The following WDR49 variants were observed in gnomAD, a reference collection of about 807,000 sequenced individuals.
The protein encoded by WDR49 is WD repeat domain 49, also known as cilia- and flagella-associated protein 337.
In WDR49, 107 loss-of-function variants were observed where a neutral mutation model predicts 119.5. That is an observed-to-expected ratio of 0.90 (90% CI 0.77 to 1.05). WDR49 has a LOEUF of 1.05. Ranked by LOEUF, WDR49 falls within the 50% of genes least tolerant of loss-of-function variation. The pLI is 0.00. For synonymous variants in WDR49, 425 were observed against 418.8 expected, an observed-to-expected ratio of 1.01 and a Z score of -0.18; for missense variants, 1,240 against 1,220.5, an observed-to-expected ratio of 1.02 and a Z score of -0.24.
chr3:167,532,665 G>A (rs562700951), intron 12 of WDR49, among the ~76,000 whole-genome samples: 49 of 152,276 alleles, frequency 3.2e-4, no homozygotes, highest in African/African-American at 9.4e-4. Context: ...GTAGCATAAA[G>A]AGAAGAAATG....
chr3:167,554,553 G>A (rs1560283091), intron 10 of WDR49, 97 bp downstream of exon 10: 5 of 675,250 alleles, frequency 7.4e-6, no homozygotes, highest in Non-Finnish European at 1.2e-5. Flanking sequence ...CACTCACCTA[G>A]GTCACCAGCA....
intron 12 of WDR49, 149 bp downstream of exon 12, chr3:167,532,730 C>T (rs567867226): frequency 1.9e-6 from 1 of 526,490 alleles, no homozygotes; most frequent in Non-Finnish European, 3.4e-6. Context: ...TCTTTAGCTA[C>T]TTTGGCAAGA....
intron 2 of WDR49, among the ~76,000 whole-genome samples, chr3:167,645,163 T>C (rs529817946): frequency 6.6e-6 from 1 of 152,064 alleles, no homozygotes; most frequent in South Asian, 2.1e-4. Flanking sequence ...TTGGATTTTT[T>C]ACCATGAGAA....
intron 10 of WDR49, among the ~76,000 whole-genome samples, chr3:167,544,019 C>T (rs1209562670): frequency 6.6e-6 from 1 of 151,312 alleles, no homozygotes; most frequent in Non-Finnish European, 1.5e-5. Context: ...CAACAACAAC[C>T]AAGCTGAGAA....
At chr3:167,633,663 C>T (rs534937276) in intron 2 of WDR49, 22 of 349,668 alleles carry the variant, frequency 6.3e-5, no homozygotes, top group South Asian at 1.5e-4. Context: ...TACTGAATGG[C>T]GAAATAATTT....
chr3:167,479,914 T>C (rs1750636056), intron 18 of WDR49, among the ~76,000 whole-genome samples: 1 of 151,768 alleles, frequency 6.6e-6, no homozygotes, highest in African/African-American at 2.4e-5. Context: ...AAGTGTCAAC[T>C]GGAGGAAACA....
intron 18 of WDR49, among the ~76,000 whole-genome samples, chr3:167,493,171 G>A (rs1288029400): frequency 6.6e-6 from 1 of 152,126 alleles, no homozygotes; most frequent in Admixed American, 6.6e-5. Context: ...TCCAGCACTA[G>A]GCTCTTATAG....
chr3:167,583,752 C>T (rs556877160), intron 7 of WDR49, among the ~76,000 whole-genome samples: 18 of 152,158 alleles, frequency 1.2e-4, no homozygotes, highest in Non-Finnish European at 2.6e-4. Context: ...AACTGGACAA[C>T]TGAGATGCAG....
At chr3:167,489,786 A>T (rs1751061839) in intron 18 of WDR49, among the ~76,000 whole-genome samples, 1 of 152,154 alleles carries the variant, frequency 6.6e-6, no homozygotes, top group East Asian at 1.9e-4. Context: ...TATGTAATGT[A>T]CTATGCAATG....
At chr3:167,537,489 C>A (rs1045944362) in intron 10 of WDR49, among the ~76,000 whole-genome samples, 2 of 152,070 alleles carry the variant, frequency 1.3e-5, no homozygotes, top group Admixed American at 1.3e-4. Context: ...ATCACAGAAT[C>A]CATTCTCTTG....
chr3:167,594,595 T>C (rs1715314153), intron 7 of WDR49, among the ~76,000 whole-genome samples: 1 of 152,174 alleles, frequency 6.6e-6, no homozygotes, highest in Non-Finnish European at 1.5e-5. Context: ...AAGCAGAACA[T>C]AAAAGTTTGG....
upstream of WDR49, among the ~76,000 whole-genome samples, chr3:167,654,239 A>T (rs1043376168): frequency 6.6e-6 from 1 of 152,142 alleles, no homozygotes; most frequent in Non-Finnish European, 1.5e-5. Flanking sequence ...GAAATTCTGG[A>T]ATTTTATGTT....
intron 2 of WDR49, among the ~76,000 whole-genome samples, chr3:167,631,344 G>A (rs1036283323): frequency 6.6e-6 from 1 of 152,016 alleles, no homozygotes; most frequent in South Asian, 2.1e-4. Flanking sequence ...CAAAAAGGAC[G>A]CTTGTTTACA....
intron 7 of WDR49, among the ~76,000 whole-genome samples, chr3:167,596,637 G>A (rs1346514107): frequency 2.8e-5 from 4 of 142,152 alleles, no homozygotes; most frequent in South Asian, 2.3e-4. Flanking sequence ...ACCAAACACC[G>A]CATATTCTCA....
chr3:167,601,432 A>G (rs1231670413), intron 7 of WDR49, among the ~76,000 whole-genome samples: 4 of 152,168 alleles, frequency 2.6e-5, no homozygotes, highest in African/African-American at 4.8e-5. Context: ...TTCATAACCA[A>G]CTATCTTGAA....
At chr3:167,620,692 C>T (rs1577282605) in intron 4 of WDR49, 89 bp from the exon 5 acceptor site, 3 of 1,223,184 alleles carry the variant, frequency 2.5e-6, no homozygotes, top group East Asian at 5.3e-5. Flanking sequence ...TAAGGAATAG[C>T]TATTAACTTA....
chr3:167,587,847 A>G (rs988592358), intron 7 of WDR49, among the ~76,000 whole-genome samples: 1 of 152,046 alleles, frequency 6.6e-6, no homozygotes, highest in Non-Finnish European at 1.5e-5. Context: ...GTATATATTT[A>G]TTGATTACAT....
intron 12 of WDR49, among the ~76,000 whole-genome samples, 176 bp downstream of exon 12, chr3:167,532,703 A>G (rs1045646241): frequency 5.3e-5 from 8 of 152,170 alleles, no homozygotes; most frequent in African/African-American, 1.9e-4. Flanking sequence ...TGCTAAGCCA[A>G]GTAAATCTCA....
At chr3:167,556,025 G>A (rs190735240) in intron 9 of WDR49, among the ~76,000 whole-genome samples, 3 of 152,076 alleles carry the variant, frequency 2.0e-5, no homozygotes, top group Non-Finnish European at 2.9e-5. Context: ...ACATAGAAAA[G>A]GTACAGTAGA....
Sources: allele counts gnomAD v4.1 joint callset (sites outside exome capture counted in the v4.1 genomes callset), GRCh38; gene constraint gnomAD v4.1.1; transcripts MANE v1.5; gene names NCBI Gene and HGNC (gene_info 2026-07-23, HGNC 2026-07-21).